EPHA5: variants seen among roughly 807,000 people sequenced by gnomAD.
EPHA5 encodes the protein ephrin type-A receptor 5.
In EPHA5, 60 loss-of-function variants were observed where a neutral mutation model predicts 105.0. That is an observed-to-expected ratio of 0.57 (90% confidence interval 0.46 to 0.71). The LOEUF is 0.71. Among genes scored for constraint, EPHA5 ranks in the 30% least tolerant of loss-of-function variants. EPHA5 has a pLI of 0.00. For missense variants in EPHA5, 1,218 were observed against 1,274.7 expected (o/e 0.96, Z 0.68); for synonymous variants, 513 against 449.1 (o/e 1.14, Z -1.80).
chr4:65,583,222 T>C (rs1411633327), intron 3 of EPHA5, among the ~76,000 whole-genome samples: 1 of 151,430 alleles, frequency 6.6e-6, no homozygotes, highest in African/African-American at 2.4e-5. Flanking sequence ...AGAAAGAAAA[T>C]TATAAAATCA....
intron 6 of EPHA5, among the ~76,000 whole-genome samples, chr4:65,420,173 A>G (rs191812981): frequency 2.0e-5 from 3 of 152,252 alleles, no homozygotes; most frequent in African/African-American, 7.2e-5. Flanking sequence ...CAAATGCCCT[A>G]TGACTTCATC....
In EPHA5 at chr4:65,574,600, G is replaced by GTATATATATACATA. The variant is rs1560717157; in HGVS notation, c.910+27040_910+27041insTATGTATATATATA. On this transcript the variant is annotated intron_variant, in intron 3 of 16. Coordinates refer to ENST00000613740, the MANE Select transcript of EPHA5 (RefSeq NM_001281766.3). ...AATATGTCTCTCTCTATATATTGCT[G>GTATATATATACATA]TATATATATATACATATATATATAT... Among the ~76,000 whole-genome samples, 29 of 80,180 alleles carry GTATATATATACATA rather than the reference G, an allele frequency of 3.6e-4. 2 individuals carry two copies. Among genetic ancestry groups the GTATATATATACATA allele is most frequent in the Non-Finnish European group, 5.6e-4 (19 of 33,686 alleles). The allele number at this position is 80,180 out of a possible 152,430, so 52.6% of individuals were successfully genotyped here. A position where few individuals can be genotyped will look rare whatever the true frequency, so the allele number is the denominator to read the frequency against.
intron 6 of EPHA5, 43 bp from the exon 7 acceptor site, chr4:65,414,486 A>G (rs1464722417): frequency 6.3e-7 from 1 of 1,595,212 alleles, no homozygotes; most frequent in Non-Finnish European, 8.6e-7. Context: ...ACAGCATATA[A>G]ATTACTAATG....
intron 3 of EPHA5, among the ~76,000 whole-genome samples, chr4:65,579,495 T>C (rs1467676039): frequency 1.3e-5 from 2 of 151,252 alleles, no homozygotes; most frequent in Admixed American, 6.6e-5. Flanking sequence ...GTGAGCCTAA[T>C]TGCATTTGGA....
chr4:65,526,082 G>A (rs1490042705), intron 3 of EPHA5, among the ~76,000 whole-genome samples: 1 of 151,658 alleles, frequency 6.6e-6, no homozygotes. Flanking sequence ...ATTGATGGTA[G>A]GTATTACTGT....
intron 16 of EPHA5, among the ~76,000 whole-genome samples, chr4:65,330,365 T>C (rs1472649302): frequency 2.6e-5 from 4 of 151,426 alleles, no homozygotes; most frequent in East Asian, 3.9e-4. Context: ...ATAAGAAAAA[T>C]GTGAAACTAT....
intron 5 of EPHA5, among the ~76,000 whole-genome samples, chr4:65,450,318 G>A (rs1306791054): frequency 1.3e-5 from 2 of 152,106 alleles, no homozygotes; most frequent in African/African-American, 2.4e-5. Context: ...TTATGTTTCA[G>A]CCTACTGCTA....
chr4:65,337,480 T>C (rs1721294449), intron 14 of EPHA5, among the ~76,000 whole-genome samples: 1 of 152,010 alleles, frequency 6.6e-6, no homozygotes, highest in Admixed American at 6.6e-5. Flanking sequence ...AAGAAAGCAT[T>C]CTCCTTATGA....
intron 7 of EPHA5, among the ~76,000 whole-genome samples, chr4:65,413,761 G>A (rs1382969800): frequency 1.3e-5 from 2 of 152,030 alleles, no homozygotes; most frequent in South Asian, 2.1e-4. Context: ...TTTTTATAGA[G>A]AAAAAAGTGA....
At chr4:65,369,693 C>T (rs955966243) in intron 8 of EPHA5, among the ~76,000 whole-genome samples, 6 of 152,036 alleles carry the variant, frequency 3.9e-5, no homozygotes, top group Non-Finnish European at 7.4e-5. Context: ...TCTGGCTGGG[C>T]GTGGTGGCTC....
At chr4:65,482,238 C>T (rs1363471872) in intron 5 of EPHA5, among the ~76,000 whole-genome samples, 2 of 113,656 alleles carry the variant, frequency 1.8e-5, no homozygotes, top group Admixed American at 1.1e-4. Flanking sequence ...GCGGAGGTTA[C>T]AGTGAGCCAA....
chr4:65,495,168 T>C (rs1194593830), intron 4 of EPHA5, among the ~76,000 whole-genome samples: 3 of 152,102 alleles, frequency 2.0e-5, no homozygotes, highest in Admixed American at 1.3e-4. Flanking sequence ...GAATTTGAAG[T>C]TAGGGAAAAT....
chr4:65,348,659 G>GGTATATATATAT (rs1311162748), intron 13 of EPHA5, among the ~76,000 whole-genome samples: 1 of 60,228 alleles, frequency 1.7e-5, no homozygotes, highest in Non-Finnish European at 3.3e-5. Context: ...AAACATTGGA[G>GGTATATATATAT]ATATATATAT....
At chr4:65,627,495 A>T (rs1746257314) in intron 2 of EPHA5, among the ~76,000 whole-genome samples, 1 of 152,198 alleles carries the variant, frequency 6.6e-6, no homozygotes, top group Non-Finnish European at 1.5e-5. Context: ...ACTTTGGGAA[A>T]TAGTGAGTAT....
At chr4:65,537,878 C>T (rs1045748225) in intron 3 of EPHA5, among the ~76,000 whole-genome samples, 2 of 151,614 alleles carry the variant, frequency 1.3e-5, no homozygotes, top group African/African-American at 4.8e-5. Context: ...TGAAAATAAT[C>T]ATCACAAAAA....
At chr4:65,588,861 G>A (rs1742369350) in intron 3 of EPHA5, among the ~76,000 whole-genome samples, 2 of 152,066 alleles carry the variant, frequency 1.3e-5, no homozygotes, top group African/African-American at 4.8e-5. Context: ...CCAATGGCCA[G>A]GGTGGTGGCA....
In EPHA5 at chr4:65,490,660, G is replaced by T. The variant is rs1273243130; in HGVS notation, c.1119C>A (p.Val373=). The T allele has an allele frequency of 1.2e-6, 2 of 1,614,118 alleles. No homozygotes were observed. The highest frequency in any genetic ancestry group is 1.1e-5 in the South Asian group (1 of 91,078). ...NAISNVNETS[V]FLEWIPPADT... ...CAGCAGGCGGAATCCATTCCAGAAA[G>T]ACACTAGTTTCATTAACATTTGAGA... The change falls in exon 5 of 17, where the codon GTC becomes GTA. Residue 373 remains valine, a synonymous_variant. Transcript: ENST00000613740.
chr4:65,614,385 C>T (rs1312759920), intron 2 of EPHA5, among the ~76,000 whole-genome samples: 1 of 151,736 alleles, frequency 6.6e-6, no homozygotes, highest in Admixed American at 6.6e-5. Context: ...AATGTTTTAA[C>T]ATAATATCTT....
chr4:65,657,137 T>C (rs1275489473), intron 1 of EPHA5, among the ~76,000 whole-genome samples: 1 of 152,156 alleles, frequency 6.6e-6, no homozygotes, highest in African/African-American at 2.4e-5. Flanking sequence ...ATATTAAGAA[T>C]TCTTGCCAGC....
Sources: allele counts gnomAD v4.1 joint callset (sites outside exome capture counted in the v4.1 genomes callset), GRCh38; gene constraint gnomAD v4.1.1; transcripts MANE v1.5; gene names NCBI Gene and HGNC (gene_info 2026-07-23, HGNC 2026-07-21).